SNX13: variants seen among roughly 807,000 people sequenced by gnomAD.
The protein encoded by SNX13 is sorting nexin-13.
Under a neutral mutation model 133.6 loss-of-function variants are expected in SNX13, and 45 were observed. The ratio of observed to expected loss-of-function variants is 0.34; its 90% CI spans 0.27 to 0.43. SNX13 has a LOEUF of 0.43. Among genes scored for constraint, SNX13 ranks in the 20% least tolerant of loss-of-function variants. The pLI is 1.00. For synonymous variants in SNX13, 414 were observed against 373.9 expected (o/e 1.11, Z -1.24); for missense variants, 1,032 against 1,145.1 (o/e 0.90, Z 1.43).
intron 13 of SNX13, among the ~76,000 whole-genome samples, chr7:17,836,579 G>A (rs1262719165): frequency 6.6e-6 from 1 of 151,996 alleles, no homozygotes; most frequent in Non-Finnish European, 1.5e-5. Flanking sequence ...ATATAAAAGT[G>A]AATGTTTTCC....
chr7:17,803,013 T>C (rs1340077511), intron 21 of SNX13, among the ~76,000 whole-genome samples: 1 of 152,182 alleles, frequency 6.6e-6, no homozygotes, highest in African/African-American at 2.4e-5. Flanking sequence ...CATTCTATCA[T>C]GTAAATCAGG....
At chr7:17,803,880 TAAA>T (rs757897385) in intron 20 of SNX13, among the ~76,000 whole-genome samples, 4 of 77,736 alleles carry the variant, frequency 5.1e-5, no homozygotes, top group Admixed American at 1.5e-4. Context: ...ACCCCATCTC[TAAA>T]AAAAAAAAAA....
intron 20 of SNX13, among the ~76,000 whole-genome samples, chr7:17,809,282 C>CAAAAAAAAAAAAAAAAAAAAAAAAAAAA (rs535077123): frequency 2.0e-5 from 1 of 49,274 alleles, no homozygotes; most frequent in Non-Finnish European, 3.5e-5. Context: ...AGATGGAAAG[C>CAAAAAAAAAAAAAAAAAAAAAAAAAAAA]AAAAAAAAAA....
chr7:17,871,408 C>A (rs1039105895), intron 8 of SNX13, among the ~76,000 whole-genome samples: 13 of 152,144 alleles, frequency 8.5e-5, no homozygotes, highest in Non-Finnish European at 1.2e-4. Flanking sequence ...TGACCACTAA[C>A]AAAGACCATC....
chr7:17,869,731 A>G (rs1157240103), intron 8 of SNX13, among the ~76,000 whole-genome samples: 1 of 152,114 alleles, frequency 6.6e-6, no homozygotes, highest in Non-Finnish European at 1.5e-5. Context: ...AATGACAAAA[A>G]ATTGCTTCTT....
At chr7:17,902,110 A>G (rs187365357) in intron 1 of SNX13, among the ~76,000 whole-genome samples, 4 of 152,318 alleles carry the variant, frequency 2.6e-5, no homozygotes, top group Admixed American at 2.6e-4. Context: ...CAGGTGTTTT[A>G]TTATTCATTT....
intron 1 of SNX13, among the ~76,000 whole-genome samples, chr7:17,929,913 G>A (rs1801200056): frequency 6.6e-6 from 1 of 152,126 alleles, no homozygotes; most frequent in Non-Finnish European, 1.5e-5. Flanking sequence ...AACTGAGATA[G>A]CAAGTAAGGA....
Position 17,891,606 on chromosome 7 carries a change from C to T in SNX13, c.258G>A (p.Arg86=), listed in dbSNP as rs1796633279. ...KCLEEMKREA[R]TIKIDRRLTG... is the part of the protein sequence containing the mutation. ...TCAATCTTCTATCAATCTTAATAGT[C>T]CTGGCTTCCCGTTTCATTTCTTCTA... Residue 86 remains arginine (R), a synonymous_variant, in exon 4 of 26, where the codon AGG becomes AGA. Coordinates refer to ENST00000428135, the MANE Select transcript of SNX13 (RefSeq NM_015132.5). 2 of 1,612,288 alleles carry T rather than the reference C, an allele frequency of 1.2e-6. No individual in the cohort carries two copies. The highest frequency in any genetic ancestry group is 1.7e-6 in the Non-Finnish European group (2 of 1,178,918).
intron 21 of SNX13, among the ~76,000 whole-genome samples, chr7:17,802,614 A>T (rs1178135649): frequency 6.6e-6 from 1 of 152,112 alleles, no homozygotes; most frequent in Non-Finnish European, 1.5e-5. Context: ...TTCCTCACAA[A>T]TAGAAATAAA....
intron 9 of SNX13, among the ~76,000 whole-genome samples, chr7:17,864,766 G>A (rs1319930222): frequency 6.6e-6 from 1 of 151,074 alleles, no homozygotes; most frequent in East Asian, 1.9e-4. Context: ...GCATAAAGAA[G>A]GAAAAGAAGG....
chr7:17,846,105 T>C (rs1280289906), intron 11 of SNX13, among the ~76,000 whole-genome samples: 1 of 152,092 alleles, frequency 6.6e-6, no homozygotes, highest in South Asian at 2.1e-4. Context: ...GAAAACAAAA[T>C]ATGCCTAAAG....
chr7:17,823,129 G>C (rs1562703906), intron 17 of SNX13, among the ~76,000 whole-genome samples: 1 of 152,164 alleles, frequency 6.6e-6, no homozygotes, highest in East Asian at 1.9e-4. Context: ...TCAAGATCCA[G>C]TCTTTATGCT....
chr7:17,935,969 C>G (rs1801973775), intron 1 of SNX13, among the ~76,000 whole-genome samples: 1 of 152,120 alleles, frequency 6.6e-6, no homozygotes, highest in South Asian at 2.1e-4. Flanking sequence ...GGCAAGACAA[C>G]TGTGTGTGAG....
intron 18 of SNX13, among the ~76,000 whole-genome samples, chr7:17,819,008 TAGTC>T (rs1365361889): frequency 2.0e-5 from 3 of 152,172 alleles, no homozygotes; most frequent in Non-Finnish European, 2.9e-5. Flanking sequence ...GGCAAGGACT[TAGTC>T]TGTCTTGTTC....
Position 17,839,880 on chromosome 7 carries a change from T to C in SNX13, c.1286A>G (p.His429Arg). ...AAGACCTTTGGTTTGGTTGGTTTGA[T>C]GTTTTCCATCTCTCTGACGACTTAA... The part of the protein sequence containing the change: ...VLLSRQRDGK[H>R]QTNQTKGLLR... Residue 429 changes from histidine (H) to arginine (R), a missense_variant, in exon 13 of 26, where the codon CAT becomes CGT. Physicochemically the swap from His to Arg is conservative, Grantham distance 29. Transcript: ENST00000428135. 1.2e-6 allele frequency: 2 copies of C among 1,612,042 alleles called. No homozygotes were observed. Among genetic ancestry groups the C allele is most frequent in the Non-Finnish European group, 1.7e-6 (2 of 1,178,702 alleles).
chr7:17,794,642 G>A (rs901805246), intron 25 of SNX13: 1 of 176,044 alleles, frequency 5.7e-6, no homozygotes, highest in Non-Finnish European at 1.2e-5. Flanking sequence ...TGAAAAGGAG[G>A]ATTTATAATA....
At position 17,875,487 on chromosome 7, in the gene SNX13, A is replaced by C. The variant is rs1419781015; in HGVS notation, c.657T>G (p.Asp219Glu). 3 of 1,604,496 alleles carry C rather than the reference A, an allele frequency of 1.9e-6. No homozygotes were observed. The highest frequency in any genetic ancestry group is 2.5e-6 in the Non-Finnish European group (3 of 1,177,770). The change falls in exon 7 of 26, where the codon GAT (aspartate) becomes GAG (glutamate). Residue 219 changes from aspartate to glutamate, a missense_variant. Physicochemically the swap from Asp to Glu is conservative, Grantham distance 45. Transcript: ENST00000428135. ...CRDLVCTSPK[D>E]EEGFLRDLCE... Reference sequence around the variant, plus strand: ...GTTAAATTAAAAGAAAACCTTCTTCATCTTTGGGGGAAGTGCACACTAGAT... The same window carrying C: ...GTTAAATTAAAAGAAAACCTTCTTCCTCTTTGGGGGAAGTGCACACTAGAT...
intron 9 of SNX13, among the ~76,000 whole-genome samples, chr7:17,866,414 T>C (rs754762979): frequency 2.0e-5 from 3 of 152,042 alleles, no homozygotes; most frequent in Non-Finnish European, 2.9e-5. Flanking sequence ...CTTATCATCA[T>C]AGAAATACAA....
chr7:17,870,617 C>G (rs955315480), intron 8 of SNX13, among the ~76,000 whole-genome samples: 11 of 152,210 alleles, frequency 7.2e-5, no homozygotes, highest in African/African-American at 2.7e-4. Context: ...CTTCAAGAAG[C>G]TGCAGTAGCA....
Sources: allele counts gnomAD v4.1 joint callset (sites outside exome capture counted in the v4.1 genomes callset), GRCh38; gene constraint gnomAD v4.1.1; transcripts MANE v1.5; gene names NCBI Gene and HGNC (gene_info 2026-07-23, HGNC 2026-07-21).